RBBP8: variants seen among roughly 807,000 people sequenced by gnomAD.
The protein encoded by RBBP8 is RB binding protein 8, endonuclease.
Under a neutral mutation model 108.3 loss-of-function variants are expected in RBBP8, and 88 were observed. The ratio of observed to expected loss-of-function variants is 0.81; its 90% CI spans 0.68 to 0.97. The LOEUF (loss-of-function observed/expected upper bound fraction) is 0.97, where lower values mean the gene tolerates loss of function less well. Ranked by LOEUF, RBBP8 falls within the 50% of genes least tolerant of loss-of-function variation. The pLI, the probability that RBBP8 is intolerant of heterozygous loss-of-function variation, is 0.00. For synonymous variants in RBBP8, 332 were observed against 348.2 expected (o/e 0.95, Z 0.52); for missense variants, 1,023 against 1,049.0 (o/e 0.98, Z 0.34).
At chr18:22,952,701 A>G (rs1912144989) in intron 4 of RBBP8, among the ~76,000 whole-genome samples, 1 of 152,152 alleles carries the variant, frequency 6.6e-6, no homozygotes, top group South Asian at 2.1e-4. Flanking sequence ...TCAGCAATGG[A>G]AAGGAAATCA....
chr18:23,007,065 G>T, intron 16 of RBBP8, among the ~76,000 whole-genome samples: 1 of 146,226 alleles, frequency 6.8e-6, no homozygotes, highest in South Asian at 2.2e-4. Context: ...CTGTTGCCCC[G>T]GCTGGAGTAC....
intron 6 of RBBP8, among the ~76,000 whole-genome samples, chr18:22,980,216 A>C (rs1914804630): frequency 6.6e-6 from 1 of 152,172 alleles, no homozygotes; most frequent in South Asian, 2.1e-4. Flanking sequence ...ACTGCACTCC[A>C]GCCTGGGCAA....
chr18:22,960,219 C>T (rs1912968971), intron 4 of RBBP8, among the ~76,000 whole-genome samples: 1 of 152,134 alleles, frequency 6.6e-6, no homozygotes, highest in Admixed American at 6.5e-5. Context: ...TAAAAAACAA[C>T]TTTATTGAGA....
Position 23,026,354 on chromosome 18 carries a change from TCA to T in RBBP8, c.*115_*116del. On this transcript the variant is annotated 3_prime_UTR_variant, in exon 19 of 19. Transcript: ENST00000327155. Reference sequence around the variant, plus strand: ...GATCTTCTGTAAATGGATTTATAAATCAGTTTTCTATTGAAAATGTTTGTGAT... The same window carrying T: ...GATCTTCTGTAAATGGATTTATAAATGTTTTCTATTGAAAATGTTTGTGAT... 1.1e-6 allele frequency: 1 copy of T among 945,702 alleles called. No individual in the cohort carries two copies. The highest frequency in any genetic ancestry group is 1.6e-6 in the Non-Finnish European group (1 of 608,258). 58.6% of individuals were successfully genotyped at this position (945,702 alleles called of 1,614,324 possible).
intron 6 of RBBP8, among the ~76,000 whole-genome samples, chr18:22,976,983 AGAAGT>A (rs1326274928): frequency 6.6e-6 from 1 of 152,124 alleles, no homozygotes; most frequent in Non-Finnish European, 1.5e-5. Flanking sequence ...ATTTTAGAAA[AGAAGT>A]GAAGGCTAAA....
At chr18:23,008,113 T>G (rs1234478965) in intron 16 of RBBP8, among the ~76,000 whole-genome samples, 1 of 152,136 alleles carries the variant, frequency 6.6e-6, no homozygotes. Context: ...CGCCTGGCGC[T>G]AAGCATCTTG....
chr18:22,952,219 A>G (rs964260859), intron 4 of RBBP8, among the ~76,000 whole-genome samples: 3 of 152,180 alleles, frequency 2.0e-5, no homozygotes, highest in Admixed American at 6.5e-5. Context: ...ACAAAGGGAT[A>G]TAAGTAGGTA....
intron 1 of RBBP8, chr18:22,934,835 CTG>C (rs1910392990): frequency 1.3e-5 from 2 of 152,000 alleles, no homozygotes; most frequent in Non-Finnish European, 2.9e-5. Context: ...CATGTCCCAG[CTG>C]TGTGACCTTG....
In RBBP8 at chr18:22,957,125, G is replaced by A. The variant is rs115688737; in HGVS notation, c.248+7412G>A. Among the ~76,000 whole-genome samples, 619 of 152,242 alleles carry A rather than the reference G, an allele frequency of 4.1e-3. 5 individuals carry two copies. Among genetic ancestry groups the A allele is most frequent in the African/African-American group, 0.014 (584 of 41,558 alleles). On this transcript the variant is annotated intron_variant, in intron 4 of 18. Transcript: ENST00000327155. ...AACTATTTTTCAAACACTGAAGCAA[G>A]TGTCCGCTTTTGTGTTGCTGTTATT...
chr18:22,985,841 A>T (rs1915290065), intron 8 of RBBP8, among the ~76,000 whole-genome samples: 1 of 151,682 alleles, frequency 6.6e-6, no homozygotes, highest in Non-Finnish European at 1.5e-5. Context: ...TAAGCCATGA[A>T]ACTAGATGAG....
chr18:22,969,862 G>A (rs1383752330), intron 5 of RBBP8, among the ~76,000 whole-genome samples: 1 of 152,084 alleles, frequency 6.6e-6, no homozygotes, highest in Non-Finnish European at 1.5e-5. Flanking sequence ...AGATTCTGTG[G>A]TGTATATGGG....
chr18:23,005,144 C>G (rs2046018882), intron 15 of RBBP8, among the ~76,000 whole-genome samples: 1 of 151,926 alleles, frequency 6.6e-6, no homozygotes, highest in Admixed American at 6.6e-5. Flanking sequence ...ACCTAGGCAA[C>G]AGAGCAAGAC....
chr18:22,942,371 A>G (rs1375924097), intron 2 of RBBP8, among the ~76,000 whole-genome samples: 4 of 152,114 alleles, frequency 2.6e-5, no homozygotes. Context: ...TAATAAAATG[A>G]TAGCAAAATA....
intron 17 of RBBP8, among the ~76,000 whole-genome samples, 192 bp downstream of exon 17, chr18:23,017,116 A>G (rs2046269811): frequency 6.6e-6 from 1 of 152,090 alleles, no homozygotes; most frequent in African/African-American, 2.4e-5. Context: ...GCATTTTGGG[A>G]GGCCAAGGAG....
At chr18:22,996,552 A>G (rs1959483820) in intron 13 of RBBP8, 90 bp downstream of exon 13, 1 of 1,553,760 alleles carries the variant, frequency 6.4e-7, no homozygotes, top group Admixed American at 1.9e-5. Flanking sequence ...GTATCACCTT[A>G]AGATAATCAG....
intron 15 of RBBP8, 59 bp downstream of exon 15, chr18:23,001,788 T>A: frequency 6.3e-7 from 1 of 1,581,728 alleles, no homozygotes; most frequent in Non-Finnish European, 8.7e-7. Flanking sequence ...TAAGTTAAGT[T>A]ATCAAGCTAA....
chr18:22,962,792 G>A (rs1168636642), intron 4 of RBBP8, among the ~76,000 whole-genome samples: 1 of 151,290 alleles, frequency 6.6e-6, no homozygotes, highest in South Asian at 2.1e-4. Flanking sequence ...GTACGGACAG[G>A]GTTTCACCAT....
At chr18:22,955,268 G>C (rs1055213243) in intron 4 of RBBP8, among the ~76,000 whole-genome samples, 3 of 152,192 alleles carry the variant, frequency 2.0e-5, no homozygotes, top group African/African-American at 7.2e-5. Context: ...GGGATATGTA[G>C]CTCGTTGTTT....
intron 6 of RBBP8, among the ~76,000 whole-genome samples, chr18:22,981,791 A>G (rs977893902): frequency 3.9e-5 from 6 of 152,198 alleles, no homozygotes; most frequent in African/African-American, 1.4e-4. Context: ...CAATACTGTT[A>G]GATTGTCACA....
Sources: allele counts gnomAD v4.1 joint callset (sites outside exome capture counted in the v4.1 genomes callset), GRCh38; gene constraint gnomAD v4.1.1; transcripts MANE v1.5; gene names NCBI Gene and HGNC (gene_info 2026-07-23, HGNC 2026-07-21).